ANKMY2: variants seen among roughly 807,000 people sequenced by gnomAD.
The protein encoded by ANKMY2 is ankyrin repeat and MYND domain-containing protein 2.
A neutral mutation model predicts 50.4 loss-of-function variants in ANKMY2; 36 were observed. The ratio of observed to expected loss-of-function variants is 0.71; its 90% CI spans 0.55 to 0.94. The LOEUF (loss-of-function observed/expected upper bound fraction) is 0.94, where lower values mean the gene tolerates loss of function less well. Among genes scored for constraint, ANKMY2 ranks in the 40% least tolerant of loss-of-function variants. The pLI, the probability that ANKMY2 is intolerant of heterozygous loss-of-function variation, is 0.00. For missense variants in ANKMY2, 565 were observed against 524.0 expected, an observed-to-expected ratio of 1.08 and a Z score of -0.76; for synonymous variants, 187 against 178.8, an observed-to-expected ratio of 1.05 and a Z score of -0.36.
Position 16,610,545 on chromosome 7 carries a change from G to A in ANKMY2, c.746+4C>T, listed in dbSNP as rs1036105647. 1.3e-6 allele frequency: 2 copies of A among 1,599,546 alleles called. No homozygotes were observed. Among genetic ancestry groups the A allele is most frequent in the South Asian group, 1.1e-5 (1 of 89,880 alleles). On this transcript the variant is annotated splice_donor_region_variant and intron_variant, in intron 6 of 9. Coordinates refer to ENST00000306999, the MANE Select transcript of ANKMY2 (RefSeq NM_020319.3). ...TTTTATAAACGACATAGTAAAAAGA[G>A]TACCTTTTGATCAAGGTGTCCAGTT...
chr7:16,611,043 T>C (rs936198677), intron 5 of ANKMY2, among the ~76,000 whole-genome samples: 1 of 152,364 alleles, frequency 6.6e-6, no homozygotes, highest in African/African-American at 2.4e-5. Flanking sequence ...CAAGAGCACA[T>C]GATTTTACAG....
At chr7:16,640,399 C>T (rs1781728164) in intron 1 of ANKMY2, among the ~76,000 whole-genome samples, 1 of 152,032 alleles carries the variant, frequency 6.6e-6, no homozygotes, top group Non-Finnish European at 1.5e-5. Context: ...CGGGTCTCTA[C>T]CAAAGACAAG....
intron 2 of ANKMY2, among the ~76,000 whole-genome samples, chr7:16,633,763 T>G (rs1367807711): frequency 6.6e-6 from 1 of 152,196 alleles, no homozygotes; most frequent in Non-Finnish European, 1.5e-5. Context: ...GTACTGTTAA[T>G]TGGGTTGTCC....
Position 16,600,478 on chromosome 7 carries a change from A to G in ANKMY2, c.*283T>C, listed in dbSNP as rs1781028074. 1 of 247,178 alleles carries G rather than the reference A, an allele frequency of 4.0e-6. No individual in the cohort carries two copies. Among genetic ancestry groups the G allele is most frequent in the African/African-American group, 2.2e-5 (1 of 44,976 alleles). The allele number at this position is 247,178 out of a possible 1,614,324, so 15.3% of individuals were successfully genotyped here. On this transcript the variant is annotated 3_prime_UTR_variant, in exon 10 of 10. Transcript: ENST00000306999. ...CTTTAAGGGGATCTATTTTCCTTTG[A>G]AACAATTGCTGGAAAGCCAGCCTCA...
At position 16,604,112 on chromosome 7, in the gene ANKMY2, A is replaced by G. The variant is rs547900343; in HGVS notation, c.1011+609T>C. ...TTCATACAACATGCTGGAGAATTTC[A>G]ACCTTAAAGTCAACAGGCAGTTGAT... On this transcript the variant is annotated intron_variant, in intron 8 of 9. Transcript: ENST00000306999. Among the ~76,000 whole-genome samples, 32 of 152,366 alleles carry G rather than the reference A, an allele frequency of 2.1e-4. No homozygotes were observed. In the South Asian group the frequency reaches 3.3e-3, roughly 16 times the overall value.
chr7:16,617,462 T>C (rs1781371897), intron 4 of ANKMY2, among the ~76,000 whole-genome samples: 1 of 152,182 alleles, frequency 6.6e-6, no homozygotes, highest in African/African-American at 2.4e-5. Context: ...ACGCCATGCC[T>C]CCAACAGAGG....
intron 2 of ANKMY2, among the ~76,000 whole-genome samples, chr7:16,633,134 T>C (rs994882428): frequency 6.6e-6 from 1 of 152,062 alleles, no homozygotes; most frequent in Non-Finnish European, 1.5e-5. Context: ...AAGTTCTTAT[T>C]ATTTTCTAGT....
At chr7:16,644,599 C>G in intron 1 of ANKMY2, 1 of 439,260 alleles carries the variant, frequency 2.3e-6, no homozygotes. Context: ...AGTTTAAAAT[C>G]ACCACATTAA....
chr7:16,602,467 T>C lies in ANKMY2; in HGVS notation c.1054A>G (p.Thr352Ala). Residue 352 changes from threonine to alanine, a missense_variant, in exon 9 of 10, where the codon ACT (threonine) becomes GCT (alanine). Coordinates refer to ENST00000306999, the MANE Select transcript of ANKMY2 (RefSeq NM_020319.3). ...AGATTCTTACAGATTTTCTTATGAG[T>C]AAACCAGTGTGTTTTCTGGCAGGTT... Reference protein sequence around the residue: ...DQTCQKTHWFTHKKICKNLKD... With the variant: ...DQTCQKTHWFAHKKICKNLKD... 6.2e-7 allele frequency: 1 copy of C among 1,613,910 alleles called. No homozygotes were observed. The highest frequency in any genetic ancestry group is 8.5e-7 in the Non-Finnish European group (1 of 1,179,966).
chr7:16,636,772 AT>A (rs1310443731), intron 1 of ANKMY2, among the ~76,000 whole-genome samples: 1 of 152,114 alleles, frequency 6.6e-6, no homozygotes, highest in African/African-American at 2.4e-5. Flanking sequence ...CTGAAAAAAA[AT>A]CTTAAAGGGT....
rs146395863 is a variant in ANKMY2, at chr7:16,627,232, C to T, written c.133-54G>A. On this transcript the variant is annotated intron_variant, in intron 2 of 9. Transcript: ENST00000306999. ...ATTTTACTGTTTTATCTTTTCTGTA[C>T]CTATGAACAATTTCTGCAATTAGAA... 9.1e-6 allele frequency: 11 copies of T among 1,209,296 alleles called. No homozygotes were observed. In the East Asian group the frequency reaches 1.3e-4, roughly 14 times the overall value. 74.9% of individuals were successfully genotyped at this position (1,209,296 alleles called of 1,614,324 possible). A position where few individuals can be genotyped will look rare whatever the true frequency, so the allele number is the denominator to read the frequency against.
intron 2 of ANKMY2, among the ~76,000 whole-genome samples, chr7:16,631,760 G>A (rs1050556035): frequency 2.6e-5 from 4 of 151,620 alleles, no homozygotes; most frequent in Admixed American, 1.3e-4. Flanking sequence ...AACTACAGGC[G>A]CCCGCCACCA....
chr7:16,610,072 T>C (rs1032984346), intron 6 of ANKMY2, among the ~76,000 whole-genome samples: 4 of 152,200 alleles, frequency 2.6e-5, no homozygotes, highest in African/African-American at 9.7e-5. Flanking sequence ...AAAACTCTCA[T>C]AGAGCCACAC....
intron 2 of ANKMY2, among the ~76,000 whole-genome samples, chr7:16,629,841 T>A (rs1024027680): frequency 5.9e-5 from 9 of 152,310 alleles, no homozygotes; most frequent in African/African-American, 2.2e-4. Flanking sequence ...TTATCTTGGT[T>A]CTAGTACCAT....
rs523615 is a variant in ANKMY2, at chr7:16,602,124, A to C, written c.1141+256T>G. On this transcript the variant is annotated intron_variant, in intron 9 of 9. Coordinates refer to ENST00000306999, the MANE Select transcript of ANKMY2 (RefSeq NM_020319.3). ...AAGGGTCCCATTGTTCCAGGGCAGT[A>C]ACCTAAGCTAGAATGTAAAATATGA... 0.42 allele frequency among the ~76,000 whole-genome samples: 63,184 copies of C among 152,048 alleles called. 13,627 individuals carry two copies. Among genetic ancestry groups the C allele is most frequent in the East Asian group, 0.59 (3,035 of 5,168 alleles).
At chr7:16,631,871 T>A (rs953835194) in intron 2 of ANKMY2, among the ~76,000 whole-genome samples, 3 of 152,130 alleles carry the variant, frequency 2.0e-5, no homozygotes, top group Non-Finnish European at 4.4e-5. Flanking sequence ...CGCCTCGGCC[T>A]CCCAAAGTAC....
chr7:16,600,615 G>T lies in ANKMY2; in HGVS notation c.*146C>A, dbSNP rs1781031145. On this transcript the variant is annotated 3_prime_UTR_variant, in exon 10 of 10. Coordinates refer to ENST00000306999, the MANE Select transcript of ANKMY2 (RefSeq NM_020319.3). ...AGGAAATTAGGGCATGGTCAACAGG[G>T]GTTTGCTTGAAAACCTGTATTCTAT... The T allele has an allele frequency of 3.7e-6, 2 of 539,360 alleles. No individual in the cohort carries two copies. Among genetic ancestry groups the T allele is most frequent in the Non-Finnish European group, 5.8e-6 (2 of 343,118 alleles). 33.4% of individuals were successfully genotyped at this position (539,360 alleles called of 1,614,324 possible).
intron 2 of ANKMY2, among the ~76,000 whole-genome samples, chr7:16,630,198 T>C (rs1210993180): frequency 2.0e-5 from 3 of 152,234 alleles, no homozygotes; most frequent in African/African-American, 7.2e-5. Context: ...AATGTTATCA[T>C]ATTGTAATTC....
chr7:16,603,172 C>T (rs536578210), intron 8 of ANKMY2, among the ~76,000 whole-genome samples: 28 of 152,198 alleles, frequency 1.8e-4, no homozygotes, highest in African/African-American at 6.0e-4. Flanking sequence ...ATTATGAACC[C>T]GCTATGTGCC....
Sources: allele counts gnomAD v4.1 joint callset (sites outside exome capture counted in the v4.1 genomes callset), GRCh38; gene constraint gnomAD v4.1.1; transcripts MANE v1.5; gene names NCBI Gene and HGNC (gene_info 2026-07-23, HGNC 2026-07-21).